SPOCK1: variants seen among roughly 807,000 people sequenced by gnomAD.
SPOCK1 encodes the protein SPARC (osteonectin), cwcv and kazal like domains proteoglycan 1.
Under a neutral mutation model 55.3 loss-of-function variants are expected in SPOCK1, and 23 were observed. The observed-to-expected ratio is 0.42, with a 90% CI of 0.30 to 0.59. The LOEUF is 0.59. Among genes scored for constraint, SPOCK1 ranks in the 20% least tolerant of loss-of-function variants. SPOCK1 has a pLI of 0.22. For missense variants in SPOCK1, 499 were observed against 552.5 expected, an observed-to-expected ratio of 0.90 and a Z score of 0.97; for synonymous variants, 226 against 221.0, an observed-to-expected ratio of 1.02 and a Z score of -0.20.
chr5:137,327,624 T>G (rs1758102289), intron 2 of SPOCK1, among the ~76,000 whole-genome samples: 1 of 152,232 alleles, frequency 6.6e-6, no homozygotes, highest in Non-Finnish European at 1.5e-5. Context: ...AATAGGCCAG[T>G]ACATTCTTGA....
intron 5 of SPOCK1, among the ~76,000 whole-genome samples, chr5:137,111,578 C>A (rs939862889): frequency 6.6e-5 from 10 of 152,136 alleles, no homozygotes; most frequent in Non-Finnish European, 1.3e-4. Context: ...CCTATCAATT[C>A]TATGATTTCC....
intron 3 of SPOCK1, among the ~76,000 whole-genome samples, chr5:137,209,445 G>T (rs1475196075): frequency 6.6e-6 from 1 of 152,170 alleles, no homozygotes; most frequent in Non-Finnish European, 1.5e-5. Flanking sequence ...CAAACTAATA[G>T]AAACACCGTA....
chr5:137,140,920 C>CG (rs1373977322), intron 3 of SPOCK1, among the ~76,000 whole-genome samples: 1 of 151,816 alleles, frequency 6.6e-6, no homozygotes, highest in Non-Finnish European at 1.5e-5. Flanking sequence ...CCACCATACC[C>CG]GGCTAATTTT....
At chr5:137,230,367 T>C (rs1756027367) in intron 3 of SPOCK1, among the ~76,000 whole-genome samples, 1 of 152,176 alleles carries the variant, frequency 6.6e-6, no homozygotes, top group Non-Finnish European at 1.5e-5. Flanking sequence ...AAATGAATGT[T>C]AGAAGGAAAC....
At chr5:137,244,750 C>A (rs1561482737) in intron 3 of SPOCK1, among the ~76,000 whole-genome samples, 1 of 152,208 alleles carries the variant, frequency 6.6e-6, no homozygotes, top group Non-Finnish European at 1.5e-5. Context: ...AATAACTCCA[C>A]AAGGCAAGGT....
chr5:137,165,760 G>A (rs963479812), intron 3 of SPOCK1, among the ~76,000 whole-genome samples: 6 of 152,108 alleles, frequency 3.9e-5, no homozygotes, highest in Non-Finnish European at 7.4e-5. Flanking sequence ...CTTGAAAAAC[G>A]CAATTGGCAT....
intron 2 of SPOCK1, among the ~76,000 whole-genome samples, chr5:137,344,102 A>C (rs2127157463): frequency 6.6e-6 from 1 of 152,366 alleles, no homozygotes; most frequent in Non-Finnish European, 1.5e-5. Flanking sequence ...AAAACCTAAT[A>C]GAATTTAATT....
chr5:137,144,213 A>G (rs1754151267), intron 3 of SPOCK1, among the ~76,000 whole-genome samples: 1 of 151,972 alleles, frequency 6.6e-6, no homozygotes. Flanking sequence ...CCCCCAACTG[A>G]GTCAAAGGAA....
rs62374200 is a variant in SPOCK1, at chr5:137,380,853, G to A, written c.187-113798C>T. Among the ~76,000 whole-genome samples the A allele has an allele frequency of 8.0e-3, 1,222 of 152,174 alleles. 15 individuals carry two copies. Among genetic ancestry groups the A allele is most frequent in the Non-Finnish European group, 9.7e-3 (662 of 68,016 alleles). On this transcript the variant is annotated intron_variant, in intron 2 of 10. Transcript: ENST00000394945. Reference sequence around the variant, plus strand: ...TCATGTCCTTTCTTGAGCCTCTTCAGCTCCCCTGGGAGCCCTGCAATACAA... The same window carrying A: ...TCATGTCCTTTCTTGAGCCTCTTCAACTCCCCTGGGAGCCCTGCAATACAA...
chr5:137,456,071 G>T (rs1753360665), intron 2 of SPOCK1, among the ~76,000 whole-genome samples: 1 of 151,938 alleles, frequency 6.6e-6, no homozygotes, highest in South Asian at 2.1e-4. Flanking sequence ...AAGGAAGAAA[G>T]AAGAAAAAGC....
chr5:137,000,019 C>G (rs904025733), intron 6 of SPOCK1, among the ~76,000 whole-genome samples: 2 of 152,164 alleles, frequency 1.3e-5, no homozygotes, highest in Non-Finnish European at 2.9e-5. Flanking sequence ...TCAGGCAAAC[C>G]TCACCAATGC....
At chr5:137,387,074 T>A (rs771827965) in intron 2 of SPOCK1, among the ~76,000 whole-genome samples, 1 of 152,194 alleles carries the variant, frequency 6.6e-6, no homozygotes, top group Non-Finnish European at 1.5e-5. Context: ...CATCATGTCA[T>A]TAAATTTGTT....
At chr5:137,212,397 T>C (rs1435617282) in intron 3 of SPOCK1, among the ~76,000 whole-genome samples, 1 of 152,198 alleles carries the variant, frequency 6.6e-6, no homozygotes, top group African/African-American at 2.4e-5. Flanking sequence ...AATAATAAGT[T>C]TGCAATATAT....
At chr5:137,343,513 C>G (rs1750485546) in intron 2 of SPOCK1, among the ~76,000 whole-genome samples, 1 of 152,198 alleles carries the variant, frequency 6.6e-6, no homozygotes, top group Admixed American at 6.5e-5. Context: ...GTGGAAGAGC[C>G]TTGCAGAAAT....
At chr5:137,252,105 T>C (rs2127106768) in intron 3 of SPOCK1, among the ~76,000 whole-genome samples, 1 of 152,242 alleles carries the variant, frequency 6.6e-6, no homozygotes, top group East Asian at 1.9e-4. Flanking sequence ...TTTGTATTTT[T>C]AATAGAGATG....
At chr5:137,032,453 G>A (rs1005824194) in intron 6 of SPOCK1, among the ~76,000 whole-genome samples, 3 of 152,204 alleles carry the variant, frequency 2.0e-5, no homozygotes, top group Non-Finnish European at 2.9e-5. Context: ...CTGGGGAACA[G>A]GGGAGTGGGA....
At position 137,158,580 on chromosome 5, in the gene SPOCK1, C is replaced by T. The variant is rs544105935; in HGVS notation, c.233-17886G>A. On this transcript the variant is annotated intron_variant, in intron 3 of 10. Transcript: ENST00000394945. The stretch of plus-strand genomic sequence containing the variant: ...AAGGCTCTGAGTGATTGGGGTGAGC[C>T]GATTCTCCTCAACACCACAGCCCAC... Among the ~76,000 whole-genome samples the T allele has an allele frequency of 6.6e-5, 10 of 152,178 alleles. 1 individual carries two copies. Among genetic ancestry groups the T allele is most frequent in the South Asian group, 2.1e-4 (1 of 4,804 alleles).
chr5:136,981,232 A>G (rs1030773859), intron 9 of SPOCK1, among the ~76,000 whole-genome samples: 1 of 152,230 alleles, frequency 6.6e-6, no homozygotes, highest in Non-Finnish European at 1.5e-5. Context: ...GTATTCTTCT[A>G]TAACTGAGCT....
In SPOCK1 at chr5:136,992,590, G is replaced by A. The variant is rs1251881351; in HGVS notation, c.600C>T (p.Asp200=). ...KHKAERSACT[D]KELRNLASRL... ...GGGAGGCAAGGTTCCGCAACTCCTT[G>A]TCTGTGCAGGCTAGAGAAAAGCAAA... Residue 200 remains aspartate (D), a synonymous_variant, in exon 7 of 11, where the codon GAC becomes GAT. Coordinates refer to ENST00000394945, the MANE Select transcript of SPOCK1 (RefSeq NM_004598.4). The A allele has an allele frequency of 2.5e-6, 4 of 1,613,432 alleles. No individual in the cohort carries two copies. Among genetic ancestry groups the A allele is most frequent in the Non-Finnish European group, 3.4e-6 (4 of 1,179,706 alleles).
Sources: allele counts gnomAD v4.1 joint callset (sites outside exome capture counted in the v4.1 genomes callset), GRCh38; gene constraint gnomAD v4.1.1; transcripts MANE v1.5; gene names NCBI Gene and HGNC (gene_info 2026-07-23, HGNC 2026-07-21).